MITF: variants seen among roughly 807,000 people sequenced by gnomAD.
The protein encoded by MITF is microphthalmia-associated transcription factor.
In MITF, 17 loss-of-function variants were observed where a neutral mutation model predicts 60.5. That is an observed-to-expected ratio of 0.28 (90% confidence interval 0.19 to 0.42). MITF has a LOEUF of 0.42. Among genes scored for constraint, MITF ranks in the 10% least tolerant of loss-of-function variants. MITF has a pLI of 1.00. For missense variants in MITF, 622 were observed against 683.5 expected, an observed-to-expected ratio of 0.91 and a Z score of 1.00; for synonymous variants, 260 against 248.5, an observed-to-expected ratio of 1.05 and a Z score of -0.43.
intron 9 of MITF, among the ~76,000 whole-genome samples, chr3:69,962,466 G>T (rs2066574624): frequency 6.6e-6 from 1 of 152,176 alleles, no homozygotes; most frequent in Non-Finnish European, 1.5e-5. Flanking sequence ...GAAGGATTTT[G>T]CAGACCCAAA....
chr3:69,960,459 T>G (rs543547384), intron 9 of MITF, among the ~76,000 whole-genome samples: 1 of 152,296 alleles, frequency 6.6e-6, no homozygotes, highest in East Asian at 1.9e-4. Context: ...TCTCAGGGGC[T>G]TGGCGTCTCT....
chr3:69,848,026 G>A (rs1487779339), intron 1 of MITF, among the ~76,000 whole-genome samples: 1 of 152,140 alleles, frequency 6.6e-6, no homozygotes, highest in Non-Finnish European at 1.5e-5. Context: ...GTTCATGAAC[G>A]ATTAGGTTTT....
chr3:69,824,897 A>G (rs2063330949), intron 1 of MITF, among the ~76,000 whole-genome samples: 1 of 152,184 alleles, frequency 6.6e-6, no homozygotes. Context: ...CACCACAGCA[A>G]CTTCCCTGCC....
intron 1 of MITF, among the ~76,000 whole-genome samples, chr3:69,850,001 C>T (rs767873114): frequency 6.6e-6 from 1 of 152,150 alleles, no homozygotes; most frequent in African/African-American, 2.4e-5. Flanking sequence ...AGCAGTCAAT[C>T]GAGTTTTTTG....
chr3:69,957,040 A>G (rs966651797), intron 8 of MITF, among the ~76,000 whole-genome samples: 1 of 152,110 alleles, frequency 6.6e-6, no homozygotes. Flanking sequence ...ATTGTAGGGG[A>G]AAAAAAGTAG....
intron 1 of MITF, among the ~76,000 whole-genome samples, chr3:69,791,492 A>G (rs1033891590): frequency 2.6e-5 from 4 of 152,212 alleles, no homozygotes; most frequent in African/African-American, 9.6e-5. Flanking sequence ...ATGTTTTGCA[A>G]TTCTTTATGT....
At chr3:69,880,738 G>T (rs911993995) in intron 2 of MITF, among the ~76,000 whole-genome samples, 1 of 151,782 alleles carries the variant, frequency 6.6e-6, no homozygotes, top group Non-Finnish European at 1.5e-5. Context: ...TGCCTGCAGG[G>T]GTGATAATCA....
chr3:69,939,014 G>T, intron 3 of MITF, 84 bp from the exon 4 acceptor site: 1 of 1,566,294 alleles, frequency 6.4e-7, no homozygotes, highest in East Asian at 2.4e-5. Context: ...TCTTGTTGCT[G>T]TGCCATCAGC....
intron 2 of MITF, among the ~76,000 whole-genome samples, chr3:69,935,991 A>G (rs1171595349): frequency 6.6e-6 from 1 of 152,168 alleles, no homozygotes; most frequent in Non-Finnish European, 1.5e-5. Context: ...TTTATTTCTT[A>G]TTATCCACAT....
At chr3:69,852,857 G>T (rs1305573870) in intron 1 of MITF, among the ~76,000 whole-genome samples, 2 of 152,064 alleles carry the variant, frequency 1.3e-5, no homozygotes, top group Non-Finnish European at 2.9e-5. Context: ...TGAAGAATAC[G>T]TAGTGTTTTT....
At chr3:69,878,260 C>T (rs749728495) in intron 1 of MITF, among the ~76,000 whole-genome samples, 1 of 152,128 alleles carries the variant, frequency 6.6e-6, no homozygotes, top group Non-Finnish European at 1.5e-5. Context: ...GATTTAATAA[C>T]TTGATGTCAT....
At chr3:69,850,286 A>G (rs1461768849) in intron 1 of MITF, among the ~76,000 whole-genome samples, 1 of 152,220 alleles carries the variant, frequency 6.6e-6, no homozygotes, top group African/African-American at 2.4e-5. Flanking sequence ...CATAGGATCT[A>G]GATTCCAACT....
At chr3:69,817,279 C>T (rs1395063080) in intron 1 of MITF, among the ~76,000 whole-genome samples, 2 of 152,126 alleles carry the variant, frequency 1.3e-5, no homozygotes, top group South Asian at 2.1e-4. Context: ...CTGTCTCACC[C>T]CCTCAAAAGC....
intron 4 of MITF, 89 bp downstream of exon 4, chr3:69,939,270 AT>A (rs893275785): frequency 1.3e-4 from 152 of 1,182,484 alleles, no homozygotes; most frequent in East Asian, 5.7e-4. Flanking sequence ...AAACTTAAGC[AT>A]TTTTTTCCCC....
intron 1 of MITF, among the ~76,000 whole-genome samples, chr3:69,821,118 T>A (rs118044784): frequency 6.6e-6 from 1 of 152,314 alleles, no homozygotes; most frequent in East Asian, 1.9e-4. Flanking sequence ...TGATTCTGTT[T>A]GTCACATGAT....
chr3:69,802,419 T>G (rs1358889688), intron 1 of MITF, among the ~76,000 whole-genome samples: 1 of 152,194 alleles, frequency 6.6e-6, no homozygotes, highest in Non-Finnish European at 1.5e-5. Flanking sequence ...GCTATTCCAT[T>G]CCTTCATGAA....
chr3:69,821,124 A>G (rs1049253910), intron 1 of MITF, among the ~76,000 whole-genome samples: 3 of 152,184 alleles, frequency 2.0e-5, no homozygotes, highest in Admixed American at 1.3e-4. Flanking sequence ...TGTTTGTCAC[A>G]TGATGCTGGA....
In MITF at chr3:69,836,179, A is replaced by G. The variant is rs143039466; in HGVS notation, c.105-42955A>G. Reference sequence around the variant, plus strand: ...TTGTTTTATAGTTTTCATTGTAGAGATCTTTTACCCTGATGGTTATGTTTA... The same window carrying G: ...TTGTTTTATAGTTTTCATTGTAGAGGTCTTTTACCCTGATGGTTATGTTTA... On this transcript the variant is annotated intron_variant, in intron 1 of 9. Coordinates refer to ENST00000352241, the MANE Select transcript of MITF (RefSeq NM_001354604.2). 1.7e-3 allele frequency among the ~76,000 whole-genome samples: 258 copies of G among 151,942 alleles called. 2 individuals carry two copies. Among genetic ancestry groups the G allele is most frequent in the African/African-American group, 6.0e-3 (248 of 41,440 alleles).
At position 69,758,628 on chromosome 3, in the gene MITF, C is replaced by T. The variant is rs956828315; in HGVS notation, c.104+18927C>T. On this transcript the variant is annotated intron_variant, in intron 1 of 9. Coordinates refer to ENST00000352241, the MANE Select transcript of MITF (RefSeq NM_001354604.2). The stretch of plus-strand genomic sequence containing the variant: ...ATACTTATTTTATTATTGGTTAGTT[C>T]CCATGGGAACAGGGAATTTGTTAGT... 1.5e-5 allele frequency: 3 copies of T among 195,606 alleles called. No individual in the cohort carries two copies. In the East Asian group the frequency reaches 2.4e-4, roughly 16 times the overall value. 12.1% of individuals were successfully genotyped at this position (195,606 alleles called of 1,614,324 possible).
Sources: gnomAD v4.1 joint callset for allele counts (sites outside exome capture counted in the v4.1 genomes callset) on GRCh38, gnomAD v4.1.1 for gene constraint, MANE v1.5 for transcripts, NCBI Gene and HGNC (gene_info 2026-07-23, HGNC 2026-07-21) for gene names.